The following GNPTAB variants were observed in gnomAD, a reference collection of about 807,000 sequenced individuals.
The protein encoded by GNPTAB is N-acetylglucosamine-1-phosphotransferase subunits alpha/beta.
GNPTAB carries 92 observed loss-of-function variants against 136.6 expected under a neutral mutation model. The observed-to-expected ratio is 0.67, with a 90% CI of 0.57 to 0.80. GNPTAB has a LOEUF of 0.80. Among genes scored for constraint, GNPTAB ranks in the 30% least tolerant of loss-of-function variants. The pLI, the probability that GNPTAB is intolerant of heterozygous loss-of-function variation, is 0.00. For missense variants in GNPTAB, 1,343 were observed against 1,501.8 expected (o/e 0.89, Z 1.75); for synonymous variants, 512 against 535.1 (o/e 0.96, Z 0.60).
At chr12:101,820,308 T>C (rs993446100) in intron 1 of GNPTAB, among the ~76,000 whole-genome samples, 1 of 152,326 alleles carries the variant, frequency 6.6e-6, no homozygotes, top group South Asian at 2.1e-4. Flanking sequence ...TATCCCAAGA[T>C]GTTGGTGGAG....
At chr12:101,766,640 A>C (rs1953099521) in intron 11 of GNPTAB, among the ~76,000 whole-genome samples, 1 of 152,248 alleles carries the variant, frequency 6.6e-6, no homozygotes, top group African/African-American at 2.4e-5. Context: ...CTCCGTCTCA[A>C]AAAACAAAAA....
chr12:101,808,632 A>C (rs1032304172), intron 1 of GNPTAB, among the ~76,000 whole-genome samples: 1 of 152,130 alleles, frequency 6.6e-6, no homozygotes, highest in African/African-American at 2.4e-5. Flanking sequence ...AGGTGAGAAA[A>C]AGACTGATCA....
rs139260564 is a variant in GNPTAB, at chr12:101,747,281, G to A, written c.3694-40C>T. The A allele has an allele frequency of 1.8e-4, 207 of 1,162,060 alleles. 1 individual carries two copies. The African/African-American group carries it at 2.6e-3, about 15-fold the overall frequency. The allele number at this position is 1,162,060 out of a possible 1,614,324, so 72.0% of individuals were successfully genotyped here. ...ACAGAAAATACATTTTAATTCTCAC[G>A]TTGATGAAAGAATATAAGTGCATCA... On this transcript the variant is annotated intron_variant, in intron 20 of 20. Coordinates refer to ENST00000299314, the MANE Select transcript of GNPTAB (RefSeq NM_024312.5).
rs1297369171 is a variant in GNPTAB, at chr12:101,786,036, C to T, written c.547G>A (p.Val183Ile). The change falls in exon 5 of 21, where the codon GTT becomes ATT. Residue 183 changes from valine (V) to isoleucine (I), a missense_variant. By Grantham distance (29) the Val-to-Ile change is conservative. Coordinates refer to ENST00000299314, the MANE Select transcript of GNPTAB (RefSeq NM_024312.5). Reference protein sequence around the residue: ...PKNPSTNVSVVVFDSTKDVED... With the variant: ...PKNPSTNVSVIVFDSTKDVED... ...CCATCCTTAGTACTGTCAAAAACAA[C>T]AACTGAGACATTGGTAGAAGGGTTT... The T allele has an allele frequency of 6.2e-7, 1 of 1,613,280 alleles. No homozygotes were observed. The highest frequency in any genetic ancestry group is 1.3e-5 in the African/African-American group (1 of 74,884).
chr12:101,808,834 G>A (rs889910919), intron 1 of GNPTAB, among the ~76,000 whole-genome samples: 7 of 152,128 alleles, frequency 4.6e-5, no homozygotes, highest in African/African-American at 1.2e-4. Context: ...TGTAATCCCA[G>A]CTACTTGGGA....
chr12:101,753,638 G>T, intron 18 of GNPTAB, 99 bp from the exon 19 acceptor site: 2 of 984,918 alleles, frequency 2.0e-6, no homozygotes, highest in Non-Finnish European at 3.2e-6. Context: ...ATGGACTTAT[G>T]TCCCAAGTTG....
At chr12:101,777,052 C>G (rs1953271689) in intron 7 of GNPTAB, among the ~76,000 whole-genome samples, 1 of 152,248 alleles carries the variant, frequency 6.6e-6, no homozygotes, top group African/African-American at 2.4e-5. Flanking sequence ...GCCACTGAAG[C>G]TCTGAGTGTG....
At chr12:101,812,868 A>C (rs113611451) in intron 1 of GNPTAB, among the ~76,000 whole-genome samples, 311 of 152,278 alleles carry the variant, frequency 2.0e-3, no homozygotes, top group African/African-American at 7.3e-3. Flanking sequence ...ACAGTAGCAC[A>C]ATCTTGGCTT....
chr12:101,802,121 C>G (rs370630727), intron 1 of GNPTAB, among the ~76,000 whole-genome samples: 8 of 149,478 alleles, frequency 5.4e-5, no homozygotes, highest in African/African-American at 1.5e-4. Context: ...TCACTTTAGC[C>G]CAAGAGTTGG....
intron 5 of GNPTAB, among the ~76,000 whole-genome samples, chr12:101,784,856 T>C (rs760122462): frequency 2.0e-5 from 3 of 152,026 alleles, no homozygotes; most frequent in Non-Finnish European, 4.4e-5. Flanking sequence ...ATTTTACACA[T>C]AAAAACCACG....
In GNPTAB at chr12:101,826,950, G is replaced by GTTT. The variant is rs902178707; in HGVS notation, c.117+3606_117+3608dup. On this transcript the variant is annotated intron_variant, in intron 1 of 20. Coordinates refer to ENST00000299314, the MANE Select transcript of GNPTAB (RefSeq NM_024312.5). Reference sequence around the variant, plus strand: ...TCTGAAGGCTCTCCCTGTGGGAGTTGTTTTTTTTTTTTTTTTTTTTTTTTT... The same window carrying GTTT: ...TCTGAAGGCTCTCCCTGTGGGAGTTGTTTTTTTTTTTTTTTTTTTTTTTTTTTT... Among the ~76,000 whole-genome samples, 243 of 62,362 alleles carry GTTT rather than the reference G, an allele frequency of 3.9e-3. 26 individuals are homozygous for GTTT. The highest frequency in any genetic ancestry group is 0.02 in the Middle Eastern group (2 of 100). The allele number at this position is 62,362 out of a possible 152,430, so 40.9% of individuals were successfully genotyped here.
rs2137112828 is a variant in GNPTAB at position 101,761,632 on chromosome 12, T to C, written c.2847A>G (p.Thr949=). 4 of 1,614,224 alleles carry C rather than the reference T, an allele frequency of 2.5e-6. No homozygotes were observed. The highest frequency in any genetic ancestry group is 3.3e-4 in the Middle Eastern group (2 of 6,062). ...GCATGTGAGCAGGGACTTTCCGCGA[T>C]GTGAATCCAAACTTGCTATTTAGAA... ...NKILNSKFGF[T]SRKVPAHMPH... The change falls in exon 14 of 21, where the codon ACA becomes ACG. Residue 949 remains threonine (T), a synonymous_variant. Coordinates refer to ENST00000299314, the MANE Select transcript of GNPTAB (RefSeq NM_024312.5).
chr12:101,758,180 A>C (rs1320334415), intron 16 of GNPTAB, among the ~76,000 whole-genome samples: 1 of 152,132 alleles, frequency 6.6e-6, no homozygotes, highest in African/African-American at 2.4e-5. Context: ...CTGGGATTAC[A>C]GGAACCCGCC....
intron 2 of GNPTAB, among the ~76,000 whole-genome samples, chr12:101,793,543 A>G (rs907899343): frequency 6.6e-6 from 1 of 152,206 alleles, no homozygotes; most frequent in Non-Finnish European, 1.5e-5. Flanking sequence ...CACGAGGTCA[A>G]TGAGTCAGTT....
chr12:101,824,666 C>T (rs1212793718), intron 1 of GNPTAB, among the ~76,000 whole-genome samples: 1 of 151,502 alleles, frequency 6.6e-6, no homozygotes, highest in Non-Finnish European at 1.5e-5. Context: ...AGGGTTTCAC[C>T]ATGTTGGCCA....
At chr12:101,811,608 G>A (rs1870238136) in intron 1 of GNPTAB, among the ~76,000 whole-genome samples, 1 of 151,062 alleles carries the variant, frequency 6.6e-6, no homozygotes, top group Non-Finnish European at 1.5e-5. Flanking sequence ...GGAGAAGGAG[G>A]AAGAGAGCAA....
chr12:101,824,429 T>C (rs1870975005), intron 1 of GNPTAB, among the ~76,000 whole-genome samples: 1 of 96,928 alleles, frequency 1.0e-5, no homozygotes, highest in Admixed American at 1.1e-4. Flanking sequence ...TATATATATA[T>C]ATATTTTCTT....
At chr12:101,819,263 C>T (rs562376091) in intron 1 of GNPTAB, among the ~76,000 whole-genome samples, 11 of 152,282 alleles carry the variant, frequency 7.2e-5, no homozygotes, top group Non-Finnish European at 1.2e-4. Flanking sequence ...CCACCTGCCC[C>T]GGCCTCCCAA....
At chr12:101,781,723 A>G (rs1281777196) in intron 5 of GNPTAB, among the ~76,000 whole-genome samples, 2 of 152,164 alleles carry the variant, frequency 1.3e-5, no homozygotes, top group African/African-American at 4.8e-5. Flanking sequence ...GAGCACTGAG[A>G]AAAGAAAGCC....
Sources: allele counts gnomAD v4.1 joint callset (sites outside exome capture counted in the v4.1 genomes callset), GRCh38; gene constraint gnomAD v4.1.1; transcripts MANE v1.5; gene names NCBI Gene and HGNC (gene_info 2026-07-23, HGNC 2026-07-21).